PHC3: variants seen among roughly 807,000 people sequenced by gnomAD.
PHC3 encodes the protein polyhomeotic homolog 3.
PHC3 carries 13 observed loss-of-function variants against 107.4 expected under a neutral mutation model. The observed-to-expected ratio is 0.12, with a 90% CI of 0.08 to 0.19. The LOEUF (loss-of-function observed/expected upper bound fraction) is 0.19. Among genes scored for constraint, PHC3 ranks in the 10% least tolerant of loss-of-function variants. The pLI is 1.00. For synonymous variants in PHC3, 456 were observed against 427.4 expected (o/e 1.07, Z -0.83); for missense variants, 992 against 1,210.9 (o/e 0.82, Z 2.68).
chr3:170,100,682 T>C (rs1327611631), intron 14 of PHC3, among the ~76,000 whole-genome samples: 1 of 152,206 alleles, frequency 6.6e-6, no homozygotes, highest in Non-Finnish European at 1.5e-5. Flanking sequence ...TTAAGTTTTA[T>C]GTTTTTTTAA....
intron 6 of PHC3, among the ~76,000 whole-genome samples, chr3:170,143,476 C>T (rs887492432): frequency 4.0e-5 from 6 of 151,848 alleles, no homozygotes; most frequent in Non-Finnish European, 8.8e-5. Context: ...TCAAAAATAC[C>T]AAGGAATATT....
chr3:170,148,039 G>A (rs1356334220), intron 5 of PHC3: 2 of 152,134 alleles, frequency 1.3e-5, no homozygotes, highest in African/African-American at 4.8e-5. Flanking sequence ...TGGGAGGTGA[G>A]GCAGGTGGAT....
chr3:170,101,609 T>C (rs1715490858), intron 14 of PHC3, among the ~76,000 whole-genome samples: 1 of 152,198 alleles, frequency 6.6e-6, no homozygotes, highest in Non-Finnish European at 1.5e-5. Flanking sequence ...TCATTTTCCA[T>C]ATGCGTAAGG....
Position 170,102,949 on chromosome 3 carries a change from A to G in PHC3, c.2469-15T>C. ...TAACATTGTACCTAAGAAATTCAAG[A>G]AAGAAAAAATATTTAATGATATATG... On this transcript the variant is annotated splice_polypyrimidine_tract_variant and intron_variant, in intron 12 of 14. Transcript: ENST00000495893. The G allele has an allele frequency of 1.3e-6, 2 of 1,598,574 alleles. No homozygotes were observed. Among genetic ancestry groups the G allele is most frequent in the South Asian group, 1.1e-5 (1 of 89,620 alleles).
intron 14 of PHC3, among the ~76,000 whole-genome samples, chr3:170,098,305 GAC>G (rs1275190897): frequency 1.7e-4 from 26 of 152,260 alleles, no homozygotes; most frequent in Non-Finnish European, 8.8e-5. Context: ...TTTCTTGAGA[GAC>G]AGTAAAATTT....
At chr3:170,107,795 T>C (rs1716855159) in intron 11 of PHC3, among the ~76,000 whole-genome samples, 1 of 152,162 alleles carries the variant, frequency 6.6e-6, no homozygotes, top group Non-Finnish European at 1.5e-5. Context: ...CCTACATATG[T>C]AACTATCTTC....
intron 8 of PHC3, among the ~76,000 whole-genome samples, chr3:170,124,490 G>A (rs1720949209): frequency 6.6e-6 from 1 of 152,116 alleles, no homozygotes; most frequent in East Asian, 1.9e-4. Context: ...AGCCTCCTGA[G>A]TAGCTGGGAC....
intron 14 of PHC3, among the ~76,000 whole-genome samples, chr3:170,098,400 C>T (rs371953964): frequency 3.9e-5 from 6 of 152,124 alleles, no homozygotes; most frequent in African/African-American, 1.4e-4. Flanking sequence ...AGGGAAAACA[C>T]AAAGAAAAAG....
chr3:170,146,890 T>C (rs1481008598), intron 5 of PHC3, among the ~76,000 whole-genome samples: 2 of 144,716 alleles, frequency 1.4e-5, no homozygotes, highest in East Asian at 2.0e-4. Flanking sequence ...TTTTTTTTTT[T>C]TTTTTTTTTG....
At chr3:170,123,002 A>G (rs1258444809) in intron 8 of PHC3, among the ~76,000 whole-genome samples, 1 of 152,242 alleles carries the variant, frequency 6.6e-6, no homozygotes, top group African/African-American at 2.4e-5. Flanking sequence ...GATGGTAGTC[A>G]AGTCTGAAAA....
chr3:170,099,314 A>AT (rs751580165), intron 14 of PHC3, among the ~76,000 whole-genome samples: 24 of 152,204 alleles, frequency 1.6e-4, no homozygotes, highest in Non-Finnish European at 3.2e-4. Context: ...ATAGGAATGC[A>AT]TTTTAGATCA....
At chr3:170,160,993 C>T (rs1453482020) in intron 4 of PHC3, among the ~76,000 whole-genome samples, 1 of 151,952 alleles carries the variant, frequency 6.6e-6, no homozygotes, top group Admixed American at 6.6e-5. Context: ...GCTGGGAAGC[C>T]CATAAAAAAC....
intron 11 of PHC3, among the ~76,000 whole-genome samples, chr3:170,111,012 G>A (rs979038241): frequency 2.0e-5 from 3 of 152,002 alleles, no homozygotes; most frequent in African/African-American, 7.2e-5. Context: ...CAGTATTTGA[G>A]AATTAAAGGA....
At chr3:170,174,416 T>C (rs893256687) in intron 2 of PHC3, among the ~76,000 whole-genome samples, 4 of 152,176 alleles carry the variant, frequency 2.6e-5, no homozygotes, top group African/African-American at 9.7e-5. Context: ...TAAATAAATA[T>C]AGAAAAGTCA....
intron 4 of PHC3, among the ~76,000 whole-genome samples, chr3:170,158,378 C>T (rs764524730): frequency 1.3e-5 from 2 of 151,620 alleles, no homozygotes; most frequent in African/African-American, 2.4e-5. Context: ...TCGAGGCAGG[C>T]GAATCACGAG....
At chr3:170,128,341 T>C in intron 8 of PHC3, 4 of 1,283,928 alleles carry the variant, frequency 3.1e-6, no homozygotes, top group Non-Finnish European at 4.0e-6. Context: ...GATAATCACC[T>C]TAAGAGAAAA....
intron 9 of PHC3, among the ~76,000 whole-genome samples, chr3:170,120,899 G>A (rs953369998): frequency 1.3e-5 from 2 of 152,100 alleles, no homozygotes; most frequent in Non-Finnish European, 2.9e-5. Context: ...CAACAGAACA[G>A]AATACGTACA....
chr3:170,113,274 T>C (rs1283376693), intron 11 of PHC3, 86 bp downstream of exon 11: 5 of 1,311,580 alleles, frequency 3.8e-6, no homozygotes, highest in African/African-American at 3.0e-5. Flanking sequence ...CCAGTGAAAT[T>C]CTGTACAGAA....
intron 1 of PHC3, among the ~76,000 whole-genome samples, chr3:170,179,737 G>A (rs979174440): frequency 5.9e-5 from 9 of 151,974 alleles, no homozygotes; most frequent in Non-Finnish European, 1.3e-4. Context: ...TACTTGTTGT[G>A]GTACAAAATT....
Sources: gnomAD v4.1 joint callset for allele counts (sites outside exome capture counted in the v4.1 genomes callset) on GRCh38, gnomAD v4.1.1 for gene constraint, MANE v1.5 for transcripts, NCBI Gene and HGNC (gene_info 2026-07-23, HGNC 2026-07-21) for gene names.